Variants in ROBO2 observed in about 807,000 individuals in gnomAD.
ROBO2 encodes roundabout homolog 2.
In ROBO2, 53 loss-of-function variants were observed where a neutral mutation model predicts 160.8. The observed-to-expected ratio is 0.33, with a 90% CI of 0.26 to 0.41. The LOEUF (loss-of-function observed/expected upper bound fraction) is 0.41, where lower values mean the gene tolerates loss of function less well. Among genes scored for constraint, ROBO2 ranks in the 10% least tolerant of loss-of-function variants. The probability of loss-of-function intolerance (pLI) is 1.00; values close to 1 mark genes in which losing one functional copy is unlikely to be tolerated. For synonymous variants in ROBO2, 664 were observed against 611.7 expected, an observed-to-expected ratio of 1.09 and a Z score of -1.26; for missense variants, 1,577 against 1,722.4, an observed-to-expected ratio of 0.92 and a Z score of 1.49.
chr3:76,584,982 C>A (rs966806872), intron 2 of ROBO2, among the ~76,000 whole-genome samples: 4 of 152,166 alleles, frequency 2.6e-5, no homozygotes, highest in Non-Finnish European at 5.9e-5. Flanking sequence ...TCTCATTCAA[C>A]AGCAGTTCAT....
chr3:77,291,258 G>T (rs535719707), intron 2 of ROBO2, among the ~76,000 whole-genome samples: 1 of 152,010 alleles, frequency 6.6e-6, no homozygotes, highest in African/African-American at 2.4e-5. Context: ...ACGGTTAAAC[G>T]GGTAAGCTGA....
chr3:77,166,614 G>A (rs753511669), intron 2 of ROBO2, among the ~76,000 whole-genome samples: 196 of 152,188 alleles, frequency 1.3e-3, no homozygotes, highest in Non-Finnish European at 2.3e-3. Context: ...GCTGGGGTGC[G>A]GTGGCGCCAT....
At chr3:75,930,032 A>G (rs1446203384) in intron 1 of ROBO2, among the ~76,000 whole-genome samples, 1 of 152,142 alleles carries the variant, frequency 6.6e-6, no homozygotes, top group Non-Finnish European at 1.5e-5. Context: ...CTTTTGCTCA[A>G]TATCATCTTC....
intron 2 of ROBO2, among the ~76,000 whole-genome samples, chr3:76,881,843 C>T (rs940203134): frequency 3.9e-5 from 6 of 152,192 alleles, no homozygotes; most frequent in Admixed American, 3.3e-4. Flanking sequence ...GTGATCAAAC[C>T]TAATTCCATC....
chr3:76,979,715 G>T (rs2059998983), intron 2 of ROBO2, among the ~76,000 whole-genome samples: 1 of 150,338 alleles, frequency 6.7e-6, no homozygotes, highest in Non-Finnish European at 1.5e-5. Context: ...TTTGTGCAGA[G>T]AAAAGTAACA....
At chr3:77,645,962 T>C (rs1033257639) in intron 25 of ROBO2, 92 bp from the exon 28 acceptor site, 2 of 846,548 alleles carry the variant, frequency 2.4e-6, no homozygotes, top group Non-Finnish European at 1.9e-6. Flanking sequence ...TTATTTTCAT[T>C]GATTATCTGT....
At chr3:77,246,303 A>G (rs1370957892) in intron 2 of ROBO2, among the ~76,000 whole-genome samples, 1 of 148,714 alleles carries the variant, frequency 6.7e-6, no homozygotes, top group Non-Finnish European at 1.5e-5. Context: ...GAATTTGGTT[A>G]CAAACTACTG....
intron 2 of ROBO2, among the ~76,000 whole-genome samples, chr3:77,293,769 A>C (rs1421096656): frequency 1.4e-5 from 2 of 142,712 alleles, no homozygotes; most frequent in Non-Finnish European, 3.0e-5. Flanking sequence ...CCAGACATAA[A>C]GTAAAATTGA....
intron 2 of ROBO2, among the ~76,000 whole-genome samples, chr3:76,385,951 G>A (rs2076861361): frequency 6.6e-6 from 1 of 152,108 alleles, no homozygotes; most frequent in Non-Finnish European, 1.5e-5. Context: ...AGCTACATGT[G>A]TGAAAGGTGA....
At chr3:77,125,090 G>A (rs1355258357) in intron 2 of ROBO2, among the ~76,000 whole-genome samples, 1 of 152,030 alleles carries the variant, frequency 6.6e-6, no homozygotes, top group Non-Finnish European at 1.5e-5. Context: ...TTAAATAATG[G>A]CATGTCCCTA....
chr3:77,247,516 A>G (rs575304016), intron 2 of ROBO2, among the ~76,000 whole-genome samples: 18 of 152,192 alleles, frequency 1.2e-4, no homozygotes, highest in Non-Finnish European at 2.4e-4. Context: ...CACATCCCAA[A>G]TATAAGGCCA....
intron 18 of ROBO2, among the ~76,000 whole-genome samples, chr3:77,596,013 T>C (rs1314263624): frequency 6.6e-6 from 1 of 152,166 alleles, no homozygotes; most frequent in Non-Finnish European, 1.5e-5. Flanking sequence ...ACTTATAGAC[T>C]ATACTCACAT....
chr3:76,570,511 C>T (rs1006474372), intron 2 of ROBO2, among the ~76,000 whole-genome samples: 11 of 152,164 alleles, frequency 7.2e-5, no homozygotes, highest in Non-Finnish European at 1.6e-4. Flanking sequence ...ATATAAGGAG[C>T]TTTTAAAAGC....
chr3:76,085,151 A>G (rs2068968636), intron 2 of ROBO2, among the ~76,000 whole-genome samples: 1 of 151,926 alleles, frequency 6.6e-6, no homozygotes, highest in East Asian at 1.9e-4. Context: ...ATACGTATAT[A>G]CATATATGAT....
chr3:76,662,376 T>C, intron 2 of ROBO2, among the ~76,000 whole-genome samples: 1 of 152,148 alleles, frequency 6.6e-6, no homozygotes, highest in Non-Finnish European at 1.5e-5. Context: ...TATATATTTA[T>C]GGGGTACATA....
chr3:77,387,183 C>A (rs1362756563), intron 2 of ROBO2, among the ~76,000 whole-genome samples: 2 of 151,554 alleles, frequency 1.3e-5, no homozygotes, highest in Non-Finnish European at 2.9e-5. Context: ...GACTATCATG[C>A]CCCTGGTGGG....
intron 2 of ROBO2, among the ~76,000 whole-genome samples, chr3:76,148,229 TAATAA>T (rs1256267595): frequency 1.3e-5 from 2 of 151,992 alleles, no homozygotes; most frequent in East Asian, 1.9e-4. Flanking sequence ...CCCTTAAAAC[TAATAA>T]AATAAACCAA....
intron 2 of ROBO2, among the ~76,000 whole-genome samples, chr3:76,579,829 G>T (rs1256999063): frequency 1.3e-5 from 2 of 150,938 alleles, no homozygotes; most frequent in Non-Finnish European, 2.9e-5. Context: ...AAAACTTTGA[G>T]TCTGTTCTCT....
chr3:76,930,926 G>C (rs1386378145), intron 2 of ROBO2, among the ~76,000 whole-genome samples: 2 of 152,148 alleles, frequency 1.3e-5, no homozygotes, highest in Non-Finnish European at 2.9e-5. Flanking sequence ...AAAAACAGTT[G>C]TTACAAACTT....
Sources: gnomAD v4.1 joint callset for allele counts (sites outside exome capture counted in the v4.1 genomes callset) on GRCh38, gnomAD v4.1.1 for gene constraint, MANE v1.5 for transcripts, NCBI Gene and HGNC (gene_info 2026-07-23, HGNC 2026-07-21) for gene names.